The following PREX2 variants were observed in gnomAD, a reference collection of about 807,000 sequenced individuals.
PREX2 encodes phosphatidylinositol 3,4,5-trisphosphate-dependent Rac exchanger 2 protein.
Under a neutral mutation model 203.2 loss-of-function variants are expected in PREX2, and 107 were observed. That is an observed-to-expected ratio of 0.53 (90% confidence interval 0.45 to 0.62). The LOEUF is 0.62. Among genes scored for constraint, PREX2 ranks in the 20% least tolerant of loss-of-function variants. The pLI, the probability that PREX2 is intolerant of heterozygous loss-of-function variation, is 0.00. For missense variants in PREX2, 1,777 were observed against 1,955.9 expected, an observed-to-expected ratio of 0.91 and a Z score of 1.72; for synonymous variants, 672 against 663.6, an observed-to-expected ratio of 1.01 and a Z score of -0.19.
Position 67,952,187 on chromosome 8 carries a change from G to GCCCCGCGCC in PREX2, c.-198_-190dup, listed in dbSNP as rs1805358766. The GCCCCGCGCC allele has an allele frequency of 5.0e-6, 2 of 396,460 alleles. No homozygotes were observed. The highest frequency in any genetic ancestry group is 4.3e-5 in the East Asian group (1 of 23,136). The allele number at this position is 396,460 out of a possible 1,614,324, so 24.6% of individuals were successfully genotyped here. A position where few individuals can be genotyped will look rare whatever the true frequency, so the allele number is the denominator to read the frequency against. On this transcript the variant is annotated 5_prime_UTR_variant, in exon 1 of 40. Coordinates refer to ENST00000288368, the MANE Select transcript of PREX2 (RefSeq NM_024870.4). ...CACTCCCAGGAGTTTCCTCTGCAGAGCCCCGCGCCCCCCGCGCCGGGATTT... is the reference window on the plus strand; with the variant it reads ...CACTCCCAGGAGTTTCCTCTGCAGAGCCCCGCGCCCCCCGCGCCCCCCGCGCCGGGATTT...
chr8:67,965,744 T>C (rs1000259706), intron 1 of PREX2, among the ~76,000 whole-genome samples: 2 of 152,162 alleles, frequency 1.3e-5, no homozygotes, highest in Non-Finnish European at 2.9e-5. Flanking sequence ...AACGGCCTTC[T>C]GGTAGTCATA....
At chr8:68,077,257 T>TG (rs1315860930) in intron 14 of PREX2, 140 bp from the exon 15 acceptor site, 41 of 656,018 alleles carry the variant, frequency 6.2e-5, no homozygotes, top group Non-Finnish European at 1.0e-4. Context: ...AACAATTAGA[T>TG]GCATTCTGTC....
At chr8:67,961,841 A>G (rs937664571) in intron 1 of PREX2, among the ~76,000 whole-genome samples, 5 of 152,142 alleles carry the variant, frequency 3.3e-5, no homozygotes, top group African/African-American at 7.2e-5. Context: ...AAAGGGATCT[A>G]TTTTGCTCGA....
At chr8:68,046,863 G>A (rs897471948) in intron 8 of PREX2, among the ~76,000 whole-genome samples, 8 of 151,986 alleles carry the variant, frequency 5.3e-5, no homozygotes, top group Admixed American at 3.9e-4. Context: ...GTACAATTTA[G>A]TTTTCTCATG....
At chr8:68,113,225 A>G (rs1370653722) in intron 25 of PREX2, among the ~76,000 whole-genome samples, 5 of 152,246 alleles carry the variant, frequency 3.3e-5, no homozygotes. Context: ...CACGGGGTCA[A>G]TGCAAGCATG....
chr8:68,038,332 G>C (rs1200133915), intron 7 of PREX2, 40 bp downstream of exon 7: 1 of 1,603,746 alleles, frequency 6.2e-7, no homozygotes, highest in Non-Finnish European at 8.5e-7. Context: ...AGTGGTCACA[G>C]TTTCTACCTT....
chr8:67,988,593 G>T (rs1225946371), intron 1 of PREX2, among the ~76,000 whole-genome samples: 1 of 152,156 alleles, frequency 6.6e-6, no homozygotes, highest in Non-Finnish European at 1.5e-5. Context: ...GCCTGAAATG[G>T]ACACAGGAGA....
intron 18 of PREX2, among the ~76,000 whole-genome samples, chr8:68,084,067 A>G (rs1361125940): frequency 6.6e-6 from 1 of 152,152 alleles, no homozygotes; most frequent in East Asian, 1.9e-4. Context: ...AAATGAGAGC[A>G]TGCTCTGTAT....
At chr8:68,015,524 T>G (rs1028966604) in intron 1 of PREX2, among the ~76,000 whole-genome samples, 1 of 152,254 alleles carries the variant, frequency 6.6e-6, no homozygotes, top group African/African-American at 2.4e-5. Context: ...TTGTTACTAC[T>G]TCCTCACTTT....
At chr8:68,195,980 G>A (rs1812387030) in intron 37 of PREX2, among the ~76,000 whole-genome samples, 2 of 152,140 alleles carry the variant, frequency 1.3e-5, no homozygotes, top group Non-Finnish European at 2.9e-5. Flanking sequence ...TGAATCAGAT[G>A]GCAGAGCTAC....
intron 1 of PREX2, among the ~76,000 whole-genome samples, chr8:67,997,237 C>T (rs1436650174): frequency 6.6e-6 from 1 of 152,040 alleles, no homozygotes; most frequent in African/African-American, 2.4e-5. Flanking sequence ...GTCTGTTTCT[C>T]TCTTCTTTTT....
intron 32 of PREX2, among the ~76,000 whole-genome samples, chr8:68,137,330 C>T (rs1178714532): frequency 6.6e-6 from 1 of 152,072 alleles, no homozygotes; most frequent in African/African-American, 2.4e-5. Flanking sequence ...TGTAGCAGTG[C>T]AATCTTGGCT....
In PREX2 at chr8:68,093,659, C is replaced by CA; in HGVS notation, c.2310dup (p.Ser771IlefsTer9). On this transcript the variant is annotated frameshift_variant, in exon 21 of 40. Coordinates refer to ENST00000288368, the MANE Select transcript of PREX2 (RefSeq NM_024870.4). LOFTEE classifies it high-confidence loss of function. ...CATTGAGAGTGCTCAAGAAGACCTT[C>CA]AAAAATCTCACTCCAAGCCCCCTGG... is the stretch of plus-strand genomic sequence containing the variant. The CA allele has an allele frequency of 6.2e-7, 1 of 1,611,962 alleles. No homozygotes were observed. Among genetic ancestry groups the CA allele is most frequent in the African/African-American group, 1.3e-5 (1 of 74,934 alleles).
chr8:68,162,240 G>A lies in PREX2; in HGVS notation c.4346+4804G>A, dbSNP rs575046558. On this transcript the variant is annotated intron_variant, in intron 35 of 39. Transcript: ENST00000288368. ...ACCTAAAAAGTAAGTAATTTTGAAC[G>A]ATTTTATACTAGTATTTTTTGATGA... is the stretch of plus-strand genomic sequence containing the variant. Among the ~76,000 whole-genome samples the A allele has an allele frequency of 9.9e-5, 15 of 152,108 alleles. No individual in the cohort carries two copies. In the South Asian group the frequency reaches 1.7e-3, roughly 17 times the overall value.
At chr8:68,166,943 A>G (rs1434414246) in intron 35 of PREX2, among the ~76,000 whole-genome samples, 1 of 152,168 alleles carries the variant, frequency 6.6e-6, no homozygotes, top group South Asian at 2.1e-4. Flanking sequence ...ACAGAGAAAA[A>G]AAATCAAAGT....
At chr8:68,133,310 T>G (rs962447524) in intron 31 of PREX2, among the ~76,000 whole-genome samples, 1 of 152,106 alleles carries the variant, frequency 6.6e-6, no homozygotes, top group Non-Finnish European at 1.5e-5. Flanking sequence ...GGATTACAAT[T>G]CAAGATGAGA....
chr8:68,043,127 C>T (rs900964204), intron 7 of PREX2, among the ~76,000 whole-genome samples: 2 of 152,052 alleles, frequency 1.3e-5, no homozygotes, highest in Non-Finnish European at 2.9e-5. Flanking sequence ...ATCTGCATTC[C>T]TCTCTATAGT....
chr8:67,957,042 C>T (rs1427698143), intron 1 of PREX2, among the ~76,000 whole-genome samples: 1 of 152,202 alleles, frequency 6.6e-6, no homozygotes, highest in Non-Finnish European at 1.5e-5. Context: ...CTTGGCCCAT[C>T]TGGCTCATAA....
intron 25 of PREX2, among the ~76,000 whole-genome samples, chr8:68,109,942 A>G (rs1810504807): frequency 6.6e-6 from 1 of 152,196 alleles, no homozygotes; most frequent in Non-Finnish European, 1.5e-5. Flanking sequence ...TTGTATGAGG[A>G]TTTCCTTGTA....
Sources: gnomAD v4.1 joint callset for allele counts (sites outside exome capture counted in the v4.1 genomes callset) on GRCh38, gnomAD v4.1.1 for gene constraint, MANE v1.5 for transcripts, NCBI Gene and HGNC (gene_info 2026-07-23, HGNC 2026-07-21) for gene names.